The following MUC13 variants were observed in gnomAD, a reference collection of about 807,000 sequenced individuals.
The protein encoded by MUC13 is mucin-13.
Under a neutral mutation model 48.3 loss-of-function variants are expected in MUC13, and 32 were observed. That is an observed-to-expected ratio of 0.66 (90% CI 0.50 to 0.89). The LOEUF is 0.89. MUC13 is among the 40% of genes least tolerant of loss of function. The pLI is 0.00. For synonymous variants in MUC13, 199 were observed against 224.9 expected (o/e 0.88, Z 1.03); for missense variants, 571 against 622.8 (o/e 0.92, Z 0.88).
chr3:124,911,708 A>C (rs554445521), intron 9 of MUC13, among the ~76,000 whole-genome samples: 24 of 152,316 alleles, frequency 1.6e-4, no homozygotes, highest in African/African-American at 5.8e-4. Context: ...TGAGTATTTA[A>C]ATGTCTGGTT....
Position 124,922,199 on chromosome 3 carries a change from A to G in MUC13, c.742T>C (p.Leu248=). The change falls in exon 4 of 12, where the codon TTG becomes CTG. Residue 248 remains leucine (L), a splice_region_variant and synonymous_variant. Transcript: ENST00000616727. ...YQDLHSEITS[L]FKDVFGTSVY... is the part of the protein sequence containing the mutation. ...AAGGAAAGTTGGAAAATACTTACCA[A>G]GCTAGTAATTTCACTATGCAAGTCT... 1 of 1,613,984 alleles carries G rather than the reference A, an allele frequency of 6.2e-7. No individual in the cohort carries two copies. Among genetic ancestry groups the G allele is most frequent in the Non-Finnish European group, 8.5e-7 (1 of 1,179,962 alleles).
At chr3:124,915,921 G>A (rs1467570830) in intron 6 of MUC13, among the ~76,000 whole-genome samples, 9 of 152,132 alleles carry the variant, frequency 5.9e-5, no homozygotes, top group African/African-American at 9.7e-5. Flanking sequence ...CAAGGAATCC[G>A]CCCATCTCAG....
chr3:124,933,101 C>T (rs1324462088), intron 1 of MUC13, among the ~76,000 whole-genome samples: 2 of 152,022 alleles, frequency 1.3e-5, no homozygotes, highest in African/African-American at 4.8e-5. Flanking sequence ...ATCTGGTGAG[C>T]CCTCCCCTCC....
chr3:124,907,116 A>G (rs1025757594), intron 11 of MUC13, among the ~76,000 whole-genome samples: 10 of 152,238 alleles, frequency 6.6e-5, no homozygotes, highest in African/African-American at 2.4e-4. Flanking sequence ...CTCCCTAGAG[A>G]AATACAGTAT....
intron 4 of MUC13, among the ~76,000 whole-genome samples, chr3:124,920,604 G>T (rs1056375934): frequency 1.3e-5 from 2 of 152,128 alleles, no homozygotes; most frequent in Non-Finnish European, 2.9e-5. Context: ...CCCCTCACTG[G>T]TTCCCCCAGG....
intron 2 of MUC13, among the ~76,000 whole-genome samples, chr3:124,927,241 C>T (rs1037985968): frequency 6.6e-6 from 1 of 151,984 alleles, no homozygotes; most frequent in African/African-American, 2.4e-5. Flanking sequence ...GAGAGGAAAG[C>T]TATAGAGCTA....
intron 4 of MUC13, among the ~76,000 whole-genome samples, chr3:124,921,219 G>A (rs559516355): frequency 6.6e-6 from 1 of 151,592 alleles, no homozygotes; most frequent in African/African-American, 2.4e-5. Flanking sequence ...GCATGATCTT[G>A]GGTCACTGCA....
chr3:124,922,216 T>C lies in MUC13; in HGVS notation c.725A>G (p.His242Arg), dbSNP rs1431826410. Residue 242 changes from histidine (H) to arginine (R), a missense_variant, in exon 4 of 12, where the codon CAT becomes CGT. Coordinates refer to ENST00000616727, the MANE Select transcript of MUC13 (RefSeq NM_033049.4). ...EKHSMAYQDL[H>R]SEITSLFKDV... Reference sequence around the variant, plus strand: ...ACTTACCAAGCTAGTAATTTCACTATGCAAGTCTTGATAGGCCATGGAATG... The same window carrying C: ...ACTTACCAAGCTAGTAATTTCACTACGCAAGTCTTGATAGGCCATGGAATG... 3 of 1,614,080 alleles carry C rather than the reference T, an allele frequency of 1.9e-6. No individual in the cohort carries two copies. The highest frequency in any genetic ancestry group is 2.2e-5 in the South Asian group (2 of 91,016).
intron 1 of MUC13, among the ~76,000 whole-genome samples, chr3:124,929,766 G>T (rs1359254508): frequency 6.6e-6 from 1 of 152,200 alleles, no homozygotes; most frequent in African/African-American, 2.4e-5. Flanking sequence ...ACTCAGAAGG[G>T]TTAAGGAATT....
intron 1 of MUC13, among the ~76,000 whole-genome samples, chr3:124,930,511 G>A (rs1272904646): frequency 3.9e-5 from 6 of 152,118 alleles, no homozygotes; most frequent in Non-Finnish European, 8.8e-5. Flanking sequence ...AACCTATTTT[G>A]TTCAATCTAT....
At chr3:124,925,695 C>T (rs1160941596) in intron 2 of MUC13, among the ~76,000 whole-genome samples, 1 of 152,180 alleles carries the variant, frequency 6.6e-6, no homozygotes, top group Non-Finnish European at 1.5e-5. Context: ...CTGGCTGCAA[C>T]CTCTGCCTCC....
intron 2 of MUC13, among the ~76,000 whole-genome samples, chr3:124,925,224 G>A (rs1935667224): frequency 6.6e-6 from 1 of 152,202 alleles, no homozygotes; most frequent in African/African-American, 2.4e-5. Flanking sequence ...ATCTCGAAAG[G>A]CTACATAATG....
intron 5 of MUC13, among the ~76,000 whole-genome samples, chr3:124,917,335 C>A (rs1365438789): frequency 6.8e-6 from 1 of 146,232 alleles, no homozygotes; most frequent in Non-Finnish European, 1.5e-5. Flanking sequence ...ATGTTTTTTT[C>A]TATACACCTT....
chr3:124,924,991 G>A (rs1361771370), intron 2 of MUC13, among the ~76,000 whole-genome samples: 1 of 152,046 alleles, frequency 6.6e-6, no homozygotes, highest in Non-Finnish European at 1.5e-5. Context: ...TTTAACCAAA[G>A]GTGTGGAAAA....
Position 124,912,308 on chromosome 3 carries a change from G to A in MUC13, c.1215-167C>T. 4.0e-6 allele frequency: 4 copies of A among 993,528 alleles called. No homozygotes were observed. The South Asian group carries it at 5.2e-5, about 13-fold the overall frequency. 61.5% of individuals were successfully genotyped at this position (993,528 alleles called of 1,614,324 possible). On this transcript the variant is annotated intron_variant, in intron 8 of 11. Transcript: ENST00000616727. Reference sequence around the variant, plus strand: ...CTTCCTTACACTCTCATTCTTCCAGGAGACCACCTTCCATGGGGTTCTGGA... The same window carrying A: ...CTTCCTTACACTCTCATTCTTCCAGAAGACCACCTTCCATGGGGTTCTGGA...
At chr3:124,928,994 G>A (rs1408795190) in intron 1 of MUC13, among the ~76,000 whole-genome samples, 1 of 152,118 alleles carries the variant, frequency 6.6e-6, no homozygotes, top group East Asian at 1.9e-4. Context: ...TTTTATTCTA[G>A]TAGTGTTTTC....
chr3:124,912,496 C>G (rs1006416807), intron 8 of MUC13, among the ~76,000 whole-genome samples: 1 of 152,206 alleles, frequency 6.6e-6, no homozygotes, highest in Non-Finnish European at 1.5e-5. Flanking sequence ...GGCTCTGCCA[C>G]TTATTTGTTG....
chr3:124,920,034 G>T, intron 5 of MUC13, 200 bp downstream of exon 5: 1 of 626,384 alleles, frequency 1.6e-6, no homozygotes. Context: ...CCCAGGCCAT[G>T]CCCTGCCCAG....
chr3:124,929,810 A>C (rs924574988), intron 1 of MUC13, among the ~76,000 whole-genome samples: 3 of 152,228 alleles, frequency 2.0e-5, no homozygotes, highest in African/African-American at 4.8e-5. Flanking sequence ...GTGAGATGAC[A>C]ATGTCCTAAC....
Sources: allele counts gnomAD v4.1 joint callset (sites outside exome capture counted in the v4.1 genomes callset), GRCh38; gene constraint gnomAD v4.1.1; transcripts MANE v1.5; gene names NCBI Gene and HGNC (gene_info 2026-07-23, HGNC 2026-07-21).